Variants in SESN3 observed in about 807,000 individuals in gnomAD.
SESN3 encodes sestrin 3, also known as sestrin-3.
SESN3 carries 21 observed loss-of-function variants against 55.3 expected under a neutral mutation model. The ratio of observed to expected loss-of-function variants is 0.38; its 90% confidence interval spans 0.27 to 0.55. The LOEUF is 0.55. Ranked by LOEUF, SESN3 falls within the 20% of genes least tolerant of loss-of-function variation. The probability of loss-of-function intolerance (pLI) is 0.76; values close to 1 mark genes in which losing one functional copy is unlikely to be tolerated. For missense variants in SESN3, 408 were observed against 604.3 expected, an observed-to-expected ratio of 0.68 and a Z score of 3.41; for synonymous variants, 181 against 203.1, an observed-to-expected ratio of 0.89 and a Z score of 0.93.
chr11:95,198,710 G>A (rs184345092), intron 1 of SESN3, among the ~76,000 whole-genome samples: 12 of 152,230 alleles, frequency 7.9e-5, no homozygotes, highest in Non-Finnish European at 2.9e-5. Flanking sequence ...ATAAAGTTAA[G>A]AATTTAGAGT....
rs1339407633 is a variant in SESN3 at position 95,185,245 on chromosome 11, A to G, written c.762+11T>C. ...CAAAAATAGTAAAGAAAAATAGCTAAGAAAACTAACCCCAAAGTTGCTGCC... is the reference window on the plus strand; with the variant it reads ...CAAAAATAGTAAAGAAAAATAGCTAGGAAAACTAACCCCAAAGTTGCTGCC... On this transcript the variant is annotated intron_variant, in intron 5 of 9. Transcript: ENST00000536441. The G allele has an allele frequency of 6.5e-7, 1 of 1,535,910 alleles. No homozygotes were observed. Among genetic ancestry groups the G allele is most frequent in the Non-Finnish European group, 9.0e-7 (1 of 1,112,456 alleles).
Position 95,168,968 on chromosome 11 carries a change from G to A in SESN3, c.*4287C>T, listed in dbSNP as rs1445929945. On this transcript the variant is annotated 3_prime_UTR_variant, in exon 10 of 10. Transcript: ENST00000536441. ...AATATTTTCTCTAGATTAGGTGTAC[G>A]GTGCTGAAGGCAGCCACACTCTCAG... 6.6e-6 allele frequency: 1 copy of A among 152,120 alleles called. No homozygotes were observed. The highest frequency in any genetic ancestry group is 1.9e-4 in the East Asian group (1 of 5,174). The allele number at this position is 152,120 out of a possible 1,614,324, so 9.4% of individuals were successfully genotyped here.
chr11:95,202,949 T>G (rs1023373010), intron 1 of SESN3, among the ~76,000 whole-genome samples: 2 of 152,102 alleles, frequency 1.3e-5, no homozygotes, highest in African/African-American at 4.8e-5. Flanking sequence ...GAAAAGAAAC[T>G]AAAATTGGAA....
intron 1 of SESN3, among the ~76,000 whole-genome samples, chr11:95,209,741 G>T (rs991649138): frequency 6.6e-6 from 1 of 151,250 alleles, no homozygotes; most frequent in Non-Finnish European, 1.5e-5. Context: ...GTTTGGCCAG[G>T]CGTGGTGGCT....
chr11:95,192,994 T>C lies in SESN3; in HGVS notation c.144+463A>G, dbSNP rs142727713. Among the ~76,000 whole-genome samples the C allele has an allele frequency of 2.9e-3, 438 of 152,190 alleles. 4 individuals carry two copies. The highest frequency in any genetic ancestry group is 9.8e-3 in the African/African-American group (405 of 41,532). Reference sequence around the variant, plus strand: ...ATCCTCAAATATATACTGTGAAAAATGACTATGCTTCAGGAAGTCTTTATA... The same window carrying C: ...ATCCTCAAATATATACTGTGAAAAACGACTATGCTTCAGGAAGTCTTTATA... On this transcript the variant is annotated intron_variant, in intron 2 of 9. Transcript: ENST00000536441.
intron 1 of SESN3, among the ~76,000 whole-genome samples, chr11:95,224,069 A>G (rs1418590209): frequency 6.6e-6 from 1 of 152,214 alleles, no homozygotes; most frequent in Non-Finnish European, 1.5e-5. Context: ...TTTAATGTCT[A>G]TTTAATACAA....
chr11:95,185,160 A>G, intron 5 of SESN3, 96 bp downstream of exon 5: 1 of 706,578 alleles, frequency 1.4e-6, no homozygotes, highest in Non-Finnish European at 2.4e-6. Flanking sequence ...TAAGTATATA[A>G]TATCCTATCT....
intron 9 of SESN3, among the ~76,000 whole-genome samples, chr11:95,175,277 T>C (rs1859933743): frequency 6.6e-6 from 1 of 152,098 alleles, no homozygotes; most frequent in African/African-American, 2.4e-5. Context: ...GGCAGAAGAA[T>C]CACTTGAACC....
intron 4 of SESN3, among the ~76,000 whole-genome samples, chr11:95,187,664 G>A (rs1488223188): frequency 6.6e-6 from 1 of 151,836 alleles, no homozygotes; most frequent in African/African-American, 2.4e-5. Context: ...CTCTATTGCT[G>A]TATTCCATCC....
chr11:95,187,434 G>T (rs1375718213), intron 4 of SESN3, among the ~76,000 whole-genome samples: 1 of 151,682 alleles, frequency 6.6e-6, no homozygotes, highest in Non-Finnish European at 1.5e-5. Flanking sequence ...ATTACAATCT[G>T]GTTTCTTTTT....
chr11:95,212,677 C>G (rs1489336891), intron 1 of SESN3, among the ~76,000 whole-genome samples: 1 of 152,018 alleles, frequency 6.6e-6, no homozygotes, highest in Non-Finnish European at 1.5e-5. Context: ...CATCAGATTC[C>G]TAAAGAGAAT....
At chr11:95,199,590 T>C (rs916797646) in intron 1 of SESN3, among the ~76,000 whole-genome samples, 1 of 152,078 alleles carries the variant, frequency 6.6e-6, no homozygotes, top group Non-Finnish European at 1.5e-5. Context: ...CTTAAAATTG[T>C]GAGTCTTTAG....
At chr11:95,232,406 T>C (rs1861089434), upstream of SESN3, 1 of 152,258 alleles carries the variant, frequency 6.6e-6, no homozygotes, top group Admixed American at 6.5e-5. Flanking sequence ...TGGTGCCCGG[T>C]CCTCACTCGT....
At position 95,170,406 on chromosome 11, in the gene SESN3, G is replaced by T. The variant is rs1216559852; in HGVS notation, c.*2849C>A. On this transcript the variant is annotated 3_prime_UTR_variant, in exon 10 of 10. Coordinates refer to ENST00000536441, the MANE Select transcript of SESN3 (RefSeq NM_144665.4). ...TTAACATAATAAGCAAAGAATTAAA[G>T]AATTCACATTCACATGTGCTTTTCT... is the stretch of plus-strand genomic sequence containing the variant. 2.6e-5 allele frequency: 4 copies of T among 152,152 alleles called. No homozygotes were observed. The highest frequency in any genetic ancestry group is 9.7e-5 in the African/African-American group (4 of 41,434). 9.4% of individuals were successfully genotyped at this position (152,152 alleles called of 1,614,324 possible).
rs201134824 is a variant in SESN3 at position 95,204,481 on chromosome 11, T to TC, written c.79-10960dup. On this transcript the variant is annotated intron_variant, in intron 1 of 9. Transcript: ENST00000536441. ...CTCTGTTATGTACTGAATGTTCCTG[T>TC]CCCCCCCCTCAAAATTCGTATGTTG... Among the ~76,000 whole-genome samples, 366 of 151,454 alleles carry TC rather than the reference T, an allele frequency of 2.4e-3. 2 individuals carry two copies. Among genetic ancestry groups the TC allele is most frequent in the African/African-American group, 7.8e-3 (321 of 41,294 alleles).
intron 1 of SESN3, among the ~76,000 whole-genome samples, chr11:95,208,815 G>A (rs1181234931): frequency 1.3e-5 from 2 of 151,462 alleles, no homozygotes; most frequent in African/African-American, 4.9e-5. Context: ...AACAAGCAAT[G>A]AGGAAAGGAT....
At chr11:95,198,513 A>C (rs551846917) in intron 1 of SESN3, among the ~76,000 whole-genome samples, 28 of 152,310 alleles carry the variant, frequency 1.8e-4, no homozygotes, top group Non-Finnish European at 4.0e-4. Flanking sequence ...ATTTCAGCTA[A>C]AGCTACTATC....
At chr11:95,227,631 T>C (rs1860972288) in intron 1 of SESN3, among the ~76,000 whole-genome samples, 1 of 152,202 alleles carries the variant, frequency 6.6e-6, no homozygotes, top group East Asian at 1.9e-4. Context: ...ACTATAACTA[T>C]CTTAACATTA....
rs1043261017 is a variant in SESN3 at position 95,172,879 on chromosome 11, T to C, written c.*376A>G. The C allele has an allele frequency of 1.2e-5, 2 of 170,996 alleles. No individual in the cohort carries two copies. Among genetic ancestry groups the C allele is most frequent in the Non-Finnish European group, 2.5e-5 (2 of 80,406 alleles). The allele number at this position is 170,996 out of a possible 1,614,324, so 10.6% of individuals were successfully genotyped here. ...AATTGCTTGAGCAGATTGTAAGCAC[T>C]TGTCCTTATTCTTAAAAAAAAAAGG... On this transcript the variant is annotated 3_prime_UTR_variant, in exon 10 of 10. Transcript: ENST00000536441.
Sources: gnomAD v4.1 joint callset for allele counts (sites outside exome capture counted in the v4.1 genomes callset) on GRCh38, gnomAD v4.1.1 for gene constraint, MANE v1.5 for transcripts, NCBI Gene and HGNC (gene_info 2026-07-23, HGNC 2026-07-21) for gene names.